Variants in PSMD14 observed in about 807,000 individuals in gnomAD.
The protein encoded by PSMD14 is proteasome 26S subunit, non-ATPase 14, also known as ubiquitin C-terminal hydrolase PSMD14.
Under a neutral mutation model 41.2 loss-of-function variants are expected in PSMD14, and 7 were observed. The ratio of observed to expected loss-of-function variants is 0.17; its 90% CI spans 0.10 to 0.32. The LOEUF (loss-of-function observed/expected upper bound fraction) is 0.32, where lower values mean the gene tolerates loss of function less well. PSMD14 is among the 10% of genes least tolerant of loss of function. The pLI, the probability that PSMD14 is intolerant of heterozygous loss-of-function variation, is 1.00. For synonymous variants in PSMD14, 114 were observed against 122.3 expected, an observed-to-expected ratio of 0.93 and a Z score of 0.45; for missense variants, 139 against 375.6, an observed-to-expected ratio of 0.37 and a Z score of 5.21.
At chr2:161,389,891 T>TGTG (rs1553508201) in intron 8 of PSMD14, among the ~76,000 whole-genome samples, 9 of 71,928 alleles carry the variant, frequency 1.3e-4, no homozygotes, top group Non-Finnish European at 1.9e-4. Flanking sequence ...TTTTTGTTGT[T>TGTG]TTTTTTTTTT....
intron 3 of PSMD14, among the ~76,000 whole-genome samples, chr2:161,324,373 G>A (rs1682662146): frequency 6.6e-6 from 1 of 152,178 alleles, no homozygotes; most frequent in African/African-American, 2.4e-5. Flanking sequence ...GTGGAGGTTA[G>A]TTTAACTTCT....
chr2:161,338,757 G>A (rs1682905742), intron 3 of PSMD14, among the ~76,000 whole-genome samples: 1 of 152,120 alleles, frequency 6.6e-6, no homozygotes, highest in East Asian at 1.9e-4. Flanking sequence ...TCAAGATGGT[G>A]AACATCCATC....
At chr2:161,370,614 T>G (rs1034014006) in intron 6 of PSMD14, among the ~76,000 whole-genome samples, 1 of 152,142 alleles carries the variant, frequency 6.6e-6, no homozygotes, top group Non-Finnish European at 1.5e-5. Context: ...TCAGACCAAA[T>G]CTCTCAATAG....
chr2:161,315,304 T>G (rs1400064881), intron 1 of PSMD14, among the ~76,000 whole-genome samples: 1 of 152,192 alleles, frequency 6.6e-6, no homozygotes, highest in African/African-American at 2.4e-5. Context: ...AGTACTGAAG[T>G]TAGTAAATCC....
intron 3 of PSMD14, among the ~76,000 whole-genome samples, chr2:161,366,470 T>G (rs902899019): frequency 6.6e-6 from 1 of 151,914 alleles, no homozygotes; most frequent in African/African-American, 2.4e-5. Context: ...GTAAAGCAAT[T>G]GTTTACTTTT....
chr2:161,318,769 T>G, intron 2 of PSMD14, 53 bp from the exon 3 acceptor site: 2 of 1,427,552 alleles, frequency 1.4e-6, no homozygotes, highest in Non-Finnish European at 2.0e-6. Context: ...AGATAGCAAT[T>G]GAATAAACAT....
intron 9 of PSMD14, 82 bp from the exon 10 acceptor site, chr2:161,394,996 T>A: frequency 8.3e-7 from 1 of 1,204,162 alleles, no homozygotes; most frequent in Non-Finnish European, 1.1e-6. Context: ...ATGTTTTTTT[T>A]TTTTTGAAGT....
At chr2:161,331,868 C>T (rs1372743801) in intron 3 of PSMD14, among the ~76,000 whole-genome samples, 1 of 152,178 alleles carries the variant, frequency 6.6e-6, no homozygotes, top group Non-Finnish European at 1.5e-5. Flanking sequence ...TTTTAATCCT[C>T]ACAATGATCC....
intron 3 of PSMD14, among the ~76,000 whole-genome samples, chr2:161,336,228 A>C (rs1265556148): frequency 6.6e-6 from 1 of 152,172 alleles, no homozygotes. Flanking sequence ...ATTACTTTTC[A>C]TGTGCTAATT....
At chr2:161,343,273 C>T (rs1284059258) in intron 3 of PSMD14, among the ~76,000 whole-genome samples, 5 of 152,106 alleles carry the variant, frequency 3.3e-5, no homozygotes, top group East Asian at 3.8e-4. Flanking sequence ...CTGTTTGTTA[C>T]GAATCTCACT....
At chr2:161,316,241 G>C (rs1689146756) in intron 1 of PSMD14, among the ~76,000 whole-genome samples, 196 bp from the exon 2 acceptor site, 2 of 152,172 alleles carry the variant, frequency 1.3e-5, no homozygotes, top group Admixed American at 1.3e-4. Flanking sequence ...ATAAAATTTG[G>C]ATACAGGGTT....
intron 7 of PSMD14, among the ~76,000 whole-genome samples, chr2:161,373,718 A>G (rs1209305526): frequency 3.9e-5 from 6 of 151,954 alleles, no homozygotes; most frequent in Non-Finnish European, 7.4e-5. Context: ...TTCGCTTTTT[A>G]TAAAACCACT....
intron 1 of PSMD14, among the ~76,000 whole-genome samples, chr2:161,311,731 C>T (rs2105227288): frequency 6.6e-6 from 1 of 150,500 alleles, no homozygotes; most frequent in East Asian, 2.0e-4. Flanking sequence ...TCCCAGGCTG[C>T]CTCAGCCTGC....
At chr2:161,347,278 T>C (rs1290575635) in intron 3 of PSMD14, among the ~76,000 whole-genome samples, 1 of 152,218 alleles carries the variant, frequency 6.6e-6, no homozygotes, top group Non-Finnish European at 1.5e-5. Context: ...TTACTCTATC[T>C]GTCTTGGACA....
At chr2:161,364,633 T>G (rs1292155803) in intron 3 of PSMD14, among the ~76,000 whole-genome samples, 1 of 152,090 alleles carries the variant, frequency 6.6e-6, no homozygotes, top group African/African-American at 2.4e-5. Flanking sequence ...CAGGTGAGCA[T>G]GTAGGAAAAC....
Position 161,367,854 on chromosome 2 carries a change from A to G in PSMD14, c.191A>G (p.Asp64Gly), listed in dbSNP as rs774711359. 2.1e-5 allele frequency: 34 copies of G among 1,613,394 alleles called. No individual in the cohort carries two copies. The highest frequency in any genetic ancestry group is 2.6e-5 in the Non-Finnish European group (31 of 1,179,582). The change falls in exon 5 of 12, where the codon GAT becomes GGT. Residue 64 changes from aspartate to glycine, a missense_variant. Asp to Gly is a moderately conservative substitution (Grantham distance 94). Around this residue, in one of 4 missense-constraint regions of PSMD14, gnomAD observed 35 missense variants for 162.9 expected, o/e 0.21. Transcript: ENST00000409682. Reference sequence around the variant, plus strand: ...TTGATGCTTGGAGAATTTGTTGATGATTATACCGTCAGAGTGATTGATGTG... The same window carrying G: ...TTGATGCTTGGAGAATTTGTTGATGGTTATACCGTCAGAGTGATTGATGTG... The part of the protein sequence containing the change: ...MGLMLGEFVD[D>G]YTVRVIDVFA...
intron 11 of PSMD14, among the ~76,000 whole-genome samples, 158 bp from the exon 12 acceptor site, chr2:161,411,144 C>T (rs1275927955): frequency 2.0e-5 from 3 of 151,954 alleles, no homozygotes; most frequent in African/African-American, 7.2e-5. Flanking sequence ...TTTAGAAATT[C>T]TAAGAATGTA....
intron 9 of PSMD14, among the ~76,000 whole-genome samples, chr2:161,393,701 A>AT (rs963347812): frequency 1.5e-4 from 23 of 151,988 alleles, no homozygotes; most frequent in African/African-American, 2.9e-4. Context: ...TATAGCCATC[A>AT]TTTTTTTTCT....
intron 1 of PSMD14, among the ~76,000 whole-genome samples, chr2:161,310,801 C>G (rs1689078805): frequency 6.6e-6 from 1 of 152,072 alleles, no homozygotes; most frequent in South Asian, 2.1e-4. Flanking sequence ...AAATTGAGGT[C>G]AACTGGTTCA....
Sources: gnomAD v4.1 joint callset for allele counts (sites outside exome capture counted in the v4.1 genomes callset) on GRCh38, gnomAD v4.1.1 for gene constraint, gnomAD v4.1.1 regional missense constraint, MANE v1.5 for transcripts, NCBI Gene and HGNC (gene_info 2026-07-23, HGNC 2026-07-21) for gene names.